The following ROBO1 variants were observed in gnomAD, a reference collection of about 807,000 sequenced individuals.
ROBO1 encodes the protein roundabout guidance receptor 1.
In ROBO1, 149 loss-of-function variants were observed where a neutral mutation model predicts 195.9. That is an observed-to-expected ratio of 0.76 (90% CI 0.67 to 0.87). The LOEUF is 0.87. Among genes scored for constraint, ROBO1 ranks in the 40% least tolerant of loss-of-function variants. ROBO1 has a pLI of 0.00. For missense variants in ROBO1, 1,933 were observed against 2,068.3 expected, an observed-to-expected ratio of 0.93 and a Z score of 1.27; for synonymous variants, 816 against 733.2, an observed-to-expected ratio of 1.11 and a Z score of -1.82.
intron 2 of ROBO1, among the ~76,000 whole-genome samples, chr3:79,550,034 AG>A (rs1942419331): frequency 6.6e-6 from 1 of 151,864 alleles, no homozygotes; most frequent in Admixed American, 6.6e-5. Context: ...CTAAGGCAGG[AG>A]GATCACTTAA....
At chr3:78,932,088 T>C (rs1202279914) in intron 4 of ROBO1, among the ~76,000 whole-genome samples, 1 of 152,190 alleles carries the variant, frequency 6.6e-6, no homozygotes, top group Non-Finnish European at 1.5e-5. Flanking sequence ...ACCAAAACCT[T>C]TAAATACAAA....
chr3:79,199,359 T>C lies in ROBO1; in HGVS notation c.89-73820A>G, dbSNP rs556699321. The stretch of plus-strand genomic sequence containing the variant: ...TTTCTAAGAAGAGAAATGACCAAAC[T>C]AGGCACTTCAAACCATCTGTAATTT... On this transcript the variant is annotated intron_variant, in intron 2 of 30. Transcript: ENST00000464233. Among the ~76,000 whole-genome samples the C allele has an allele frequency of 9.9e-5, 15 of 151,956 alleles. No homozygotes were observed. The South Asian group carries it at 1.7e-3, about 17-fold the overall frequency.
chr3:79,094,749 G>A (rs77768492), intron 3 of ROBO1, among the ~76,000 whole-genome samples: 3,570 of 152,090 alleles, frequency 0.023, 79 homozygotes, highest in Non-Finnish European at 0.035. Flanking sequence ...TTGTGAGGGG[G>A]TGTGGCTGAG....
chr3:79,527,528 T>C (rs1941481862), intron 2 of ROBO1, among the ~76,000 whole-genome samples: 2 of 147,628 alleles, frequency 1.4e-5, no homozygotes, highest in East Asian at 1.9e-4. Flanking sequence ...ACAACACTAC[T>C]TTAATTTATC....
chr3:79,460,038 G>T lies in ROBO1; in HGVS notation c.88+129786C>A, dbSNP rs147833839. On this transcript the variant is annotated intron_variant, in intron 2 of 30. Transcript: ENST00000464233. ...TGTATTACAGAAAAAATAAAACAAA[G>T]CATCAATTTTGATTCAAAAATTTAT... 1.8e-3 allele frequency among the ~76,000 whole-genome samples: 280 copies of T among 152,052 alleles called. 2 individuals are homozygous for T. The highest frequency in any genetic ancestry group is 6.4e-3 in the African/African-American group (265 of 41,512).
intron 2 of ROBO1, among the ~76,000 whole-genome samples, chr3:79,585,703 C>T (rs1943806100): frequency 6.6e-6 from 1 of 151,982 alleles, no homozygotes; most frequent in African/African-American, 2.4e-5. Flanking sequence ...CTCAAATTTT[C>T]TGCCTGTTAG....
rs2109181217 is a variant in ROBO1, at chr3:79,332,822, G to C, written c.89-207283C>G. On this transcript the variant is annotated intron_variant, in intron 2 of 30. Coordinates refer to ENST00000464233, the MANE Select transcript of ROBO1 (RefSeq NM_002941.4). ...CATTTCTAAGGTGTTCTTGGCACTG[G>C]AGATAAAGTAATAAATCAAACACAG... 2.0e-5 allele frequency among the ~76,000 whole-genome samples: 3 copies of C among 152,288 alleles called. No homozygotes were observed. The East Asian group carries it at 5.8e-4, about 29-fold the overall frequency.
Position 79,052,630 on chromosome 3 carries a change from C to G in ROBO1, c.172+72826G>C, listed in dbSNP as rs539503611. Among the ~76,000 whole-genome samples, 7 of 152,148 alleles carry G rather than the reference C, an allele frequency of 4.6e-5. No individual in the cohort carries two copies. The East Asian group carries it at 1.4e-3, about 30-fold the overall frequency. Reference sequence around the variant, plus strand: ...GACATGTGATGTCACCCCCAGAGACCCAGCTGTAAAATTTCTCTCTTTTGT... The same window carrying G: ...GACATGTGATGTCACCCCCAGAGACGCAGCTGTAAAATTTCTCTCTTTTGT... On this transcript the variant is annotated intron_variant, in intron 3 of 30. Transcript: ENST00000464233.
intron 1 of ROBO1, among the ~76,000 whole-genome samples, chr3:79,635,848 G>A (rs867184289): frequency 6.6e-6 from 1 of 152,092 alleles, no homozygotes; most frequent in African/African-American, 2.4e-5. Context: ...TCTAAGCCTA[G>A]ATTCCTGTAA....
intron 4 of ROBO1, among the ~76,000 whole-genome samples, chr3:78,763,699 C>T (rs978520649): frequency 1.3e-5 from 2 of 152,066 alleles, no homozygotes; most frequent in Admixed American, 1.3e-4. Context: ...CTTTGAAAAA[C>T]CAAGTGTCCA....
chr3:79,383,131 G>A (rs555609942), intron 2 of ROBO1, among the ~76,000 whole-genome samples: 1 of 152,192 alleles, frequency 6.6e-6, no homozygotes, highest in South Asian at 2.1e-4. Flanking sequence ...ATCTTTATAT[G>A]TAGGTTAATT....
intron 2 of ROBO1, among the ~76,000 whole-genome samples, chr3:79,169,816 T>C (rs1048132255): frequency 1.3e-5 from 2 of 152,098 alleles, no homozygotes; most frequent in African/African-American, 2.4e-5. Context: ...TAGGTCTTAA[T>C]ACCAAAAGCA....
chr3:79,584,643 T>A lies in ROBO1; in HGVS notation c.88+5181A>T, dbSNP rs573809546. 6.0e-3 allele frequency among the ~76,000 whole-genome samples: 801 copies of A among 133,312 alleles called. 1 individual carries two copies. The highest frequency in any genetic ancestry group is 6.1e-3 in the African/African-American group (181 of 29,842). The allele number at this position is 133,312 out of a possible 152,430, so 87.5% of individuals were successfully genotyped here. On this transcript the variant is annotated intron_variant, in intron 2 of 30. Coordinates refer to ENST00000464233, the MANE Select transcript of ROBO1 (RefSeq NM_002941.4). Reference sequence around the variant, plus strand: ...TGTGTGTGTGTGTGTGTGTGTATGTTCATACACACACACACACATACACGT... The same window carrying A: ...TGTGTGTGTGTGTGTGTGTGTATGTACATACACACACACACACATACACGT...
At chr3:79,386,171 A>G (rs2036735731) in intron 2 of ROBO1, among the ~76,000 whole-genome samples, 1 of 152,164 alleles carries the variant, frequency 6.6e-6, no homozygotes, top group Non-Finnish European at 1.5e-5. Context: ...AAACAGACAT[A>G]TCAGAATATG....
chr3:79,056,808 ATAGT>A (rs2078818448), intron 3 of ROBO1, among the ~76,000 whole-genome samples: 3 of 152,160 alleles, frequency 2.0e-5, no homozygotes, highest in Admixed American at 6.6e-5. Context: ...TACTGGGATA[ATAGT>A]TCAACATAAT....
intron 3 of ROBO1, among the ~76,000 whole-genome samples, chr3:79,087,652 C>T (rs2079398079): frequency 6.6e-6 from 1 of 151,532 alleles, no homozygotes; most frequent in South Asian, 2.1e-4. Context: ...TGTTTCTTTT[C>T]TCTAATTATC....
chr3:79,629,523 T>C (rs533042190), intron 1 of ROBO1, among the ~76,000 whole-genome samples: 1 of 152,126 alleles, frequency 6.6e-6, no homozygotes, highest in South Asian at 2.1e-4. Flanking sequence ...TAGCATTAAA[T>C]GCCTACATCA....
chr3:79,319,356 A>T (rs949469472), intron 2 of ROBO1, among the ~76,000 whole-genome samples: 1 of 152,166 alleles, frequency 6.6e-6, no homozygotes, highest in African/African-American at 2.4e-5. Flanking sequence ...TATGTTGATC[A>T]ATATTATGAA....
chr3:79,095,646 ATTG>A (rs1304950159), intron 3 of ROBO1, among the ~76,000 whole-genome samples: 1 of 152,030 alleles, frequency 6.6e-6, no homozygotes, highest in Non-Finnish European at 1.5e-5. Flanking sequence ...ATAATAAATA[ATTG>A]TTGTTTTAAG....
Sources: gnomAD v4.1 joint callset for allele counts (sites outside exome capture counted in the v4.1 genomes callset) on GRCh38, gnomAD v4.1.1 for gene constraint, MANE v1.5 for transcripts, NCBI Gene and HGNC (gene_info 2026-07-23, HGNC 2026-07-21) for gene names.